G2E3: variants seen among roughly 807,000 people sequenced by gnomAD.
The protein encoded by G2E3 is G2/M-phase specific E3 ubiquitin protein ligase.
In G2E3, 35 loss-of-function variants were observed where a neutral mutation model predicts 92.8. The ratio of observed to expected loss-of-function variants is 0.38; its 90% CI spans 0.29 to 0.50. G2E3 has a LOEUF of 0.50. Ranked by LOEUF, G2E3 falls within the 20% of genes least tolerant of loss-of-function variation. The pLI is 0.94. For synonymous variants in G2E3, 242 were observed against 272.4 expected (o/e 0.89, Z 1.10); for missense variants, 554 against 823.8 (o/e 0.67, Z 4.01).
chr14:30,618,261 A>G lies in G2E3; in HGVS notation c.*1727A>G, dbSNP rs527563710. 1 of 152,254 alleles carries G rather than the reference A, an allele frequency of 6.6e-6. No homozygotes were observed. The highest frequency in any genetic ancestry group is 2.4e-5 in the African/African-American group (1 of 41,572). The allele number at this position is 152,254 out of a possible 1,614,324, so 9.4% of individuals were successfully genotyped here. ...TTGGTTGAATTTTTTTGTCTCACCA[A>G]TAGTAATTGAAAGATCAATTATCAA... On this transcript the variant is annotated 3_prime_UTR_variant, in exon 15 of 15. Transcript: ENST00000206595.
intron 13 of G2E3, among the ~76,000 whole-genome samples, chr14:30,613,551 T>A (rs1404703630): frequency 6.6e-6 from 1 of 152,182 alleles, no homozygotes. Context: ...GGAACCTTTG[T>A]TATTTTTAAT....
At chr14:30,596,223 G>A (rs1468218770) in intron 6 of G2E3, among the ~76,000 whole-genome samples, 3 of 151,510 alleles carry the variant, frequency 2.0e-5, no homozygotes, top group Admixed American at 6.6e-5. Flanking sequence ...TTCACCATCC[G>A]TAAATCATTC....
In G2E3 at chr14:30,594,895, G is replaced by A. The variant is rs555583519; in HGVS notation, c.528+1256G>A. 4.6e-5 allele frequency among the ~76,000 whole-genome samples: 7 copies of A among 151,304 alleles called. No individual in the cohort carries two copies. The South Asian group carries it at 6.3e-4, about 14-fold the overall frequency. On this transcript the variant is annotated intron_variant, in intron 6 of 14. Transcript: ENST00000206595. ...TGTAATCCCAGCATTCTGGGAGGCC[G>A]AGGAGGGCGGATCACCTGAGGTCAG... is the stretch of plus-strand genomic sequence containing the variant.
intron 4 of G2E3, chr14:30,590,645 T>A: frequency 4.4e-6 from 2 of 455,644 alleles, no homozygotes; most frequent in South Asian, 3.1e-5. Flanking sequence ...GAGGCAATTA[T>A]TTTTGAAGAT....
intron 6 of G2E3, among the ~76,000 whole-genome samples, chr14:30,595,648 G>A (rs1881241646): frequency 1.3e-5 from 2 of 152,160 alleles, no homozygotes; most frequent in Admixed American, 1.3e-4. Flanking sequence ...TACTCGATTA[G>A]AGCATACTAA....
intron 1 of G2E3, among the ~76,000 whole-genome samples, chr14:30,563,159 G>T (rs1879218094): frequency 1.4e-5 from 2 of 142,688 alleles, no homozygotes; most frequent in African/African-American, 2.5e-5. Flanking sequence ...TCTTGGTACA[G>T]TTTTTTTTTT....
chr14:30,606,862 C>T (rs887093056), intron 11 of G2E3, among the ~76,000 whole-genome samples: 1 of 152,120 alleles, frequency 6.6e-6, no homozygotes, highest in Non-Finnish European at 1.5e-5. Flanking sequence ...TTAATTCAAG[C>T]TCTGACAGTA....
At chr14:30,613,987 A>G (rs1260463459) in intron 13 of G2E3, among the ~76,000 whole-genome samples, 3 of 152,252 alleles carry the variant, frequency 2.0e-5, no homozygotes, top group Non-Finnish European at 4.4e-5. Context: ...TTGAGCATAA[A>G]TTGCATTTTC....
intron 10 of G2E3, among the ~76,000 whole-genome samples, chr14:30,603,513 T>A (rs1187593901): frequency 6.6e-6 from 1 of 152,066 alleles, no homozygotes; most frequent in Non-Finnish European, 1.5e-5. Context: ...AAGTAGAAAA[T>A]TAGTCGCTAA....
At chr14:30,567,368 A>G (rs537837029) in intron 1 of G2E3, among the ~76,000 whole-genome samples, 11 of 152,024 alleles carry the variant, frequency 7.2e-5, no homozygotes, top group South Asian at 6.2e-4. Flanking sequence ...GAAATTTTCT[A>G]TTTCTTCTTG....
chr14:30,586,145 G>A (rs534353138), intron 2 of G2E3, among the ~76,000 whole-genome samples: 1 of 152,300 alleles, frequency 6.6e-6, no homozygotes, highest in Admixed American at 6.5e-5. Flanking sequence ...AGAAAGGCAA[G>A]CATCTGAGCT....
At position 30,591,668 on chromosome 14, in the gene G2E3, A is replaced by C. The variant is rs529863808; in HGVS notation, c.238-655A>C. ...CTTTCTCTGTATATGCCTGTGTCTT[A>C]AATCTCCCTCTCCTTTCTCTTGTAA... On this transcript the variant is annotated intron_variant, in intron 4 of 14. Coordinates refer to ENST00000206595, the MANE Select transcript of G2E3 (RefSeq NM_017769.5). Among the ~76,000 whole-genome samples the C allele has an allele frequency of 5.7e-4, 86 of 152,208 alleles. 1 individual carries two copies. Among genetic ancestry groups the C allele is most frequent in the African/African-American group, 2.0e-3 (81 of 41,528 alleles).
chr14:30,587,378 A>G (rs229246), intron 3 of G2E3, among the ~76,000 whole-genome samples: 14,160 of 152,154 alleles, frequency 0.093, 2,185 homozygotes, highest in African/African-American at 0.32. Flanking sequence ...CACTGAATTC[A>G]TGCCTTAAGA....
At chr14:30,585,989 C>T (rs918712750) in intron 2 of G2E3, among the ~76,000 whole-genome samples, 5 of 152,190 alleles carry the variant, frequency 3.3e-5, no homozygotes, top group Admixed American at 1.3e-4. Context: ...TTCCCAGTTT[C>T]TTCTTTCCTA....
rs181419118 is a variant in G2E3, at chr14:30,566,993, C to G, written c.-5+7721C>G. On this transcript the variant is annotated intron_variant, in intron 1 of 14. Transcript: ENST00000206595. ...TATGGTATATTATATTGGTTGATTT[C>G]CATATGCTGAACCACCTTTGCATTT... Among the ~76,000 whole-genome samples the G allele has an allele frequency of 1.4e-4, 21 of 152,236 alleles. No individual in the cohort carries two copies. In the East Asian group the frequency reaches 3.3e-3, roughly 24 times the overall value.
chr14:30,602,235 A>G (rs1254456405), intron 10 of G2E3, 104 bp downstream of exon 10: 3 of 863,166 alleles, frequency 3.5e-6, no homozygotes, highest in South Asian at 1.8e-5. Context: ...ACAGTAGTCT[A>G]GAAGAATGTT....
chr14:30,595,053 G>A (rs561137142), intron 6 of G2E3, among the ~76,000 whole-genome samples: 13 of 152,122 alleles, frequency 8.5e-5, no homozygotes, highest in African/African-American at 2.4e-4. Context: ...CAGGAGAATC[G>A]CTTGAACCCG....
At chr14:30,559,807 G>T (rs1295257084) in intron 1 of G2E3, 1 of 152,158 alleles carries the variant, frequency 6.6e-6, no homozygotes, top group African/African-American at 2.4e-5. Flanking sequence ...TCTTTGAAAT[G>T]CCTGAGTGGG....
At chr14:30,598,214 G>T (rs942974533) in intron 7 of G2E3, 4 of 309,888 alleles carry the variant, frequency 1.3e-5, no homozygotes, top group Middle Eastern at 1.1e-3. Flanking sequence ...GCGAAACCCT[G>T]TCTCTACTAA....
Sources: allele counts gnomAD v4.1 joint callset (sites outside exome capture counted in the v4.1 genomes callset), GRCh38; gene constraint gnomAD v4.1.1; transcripts MANE v1.5; gene names NCBI Gene and HGNC (gene_info 2026-07-23, HGNC 2026-07-21).